The following SLC6A11 variants were observed in gnomAD, a reference collection of about 807,000 sequenced individuals.
The protein encoded by SLC6A11 is sodium- and chloride-dependent GABA transporter 3.
In SLC6A11, 25 loss-of-function variants were observed where a neutral mutation model predicts 74.8. That is an observed-to-expected ratio of 0.33 (90% CI 0.24 to 0.47). SLC6A11 has a LOEUF of 0.47. Ranked by LOEUF, SLC6A11 falls within the 20% of genes least tolerant of loss-of-function variation. The pLI is 1.00. For missense variants in SLC6A11, 574 were observed against 837.0 expected, an observed-to-expected ratio of 0.69 and a Z score of 3.88; for synonymous variants, 330 against 330.2, an observed-to-expected ratio of 1.00 and a Z score of 0.01.
chr3:10,844,442 C>T (rs927771139), intron 5 of SLC6A11, 96 bp downstream of exon 5: 25 of 1,489,056 alleles, frequency 1.7e-5, no homozygotes, highest in Middle Eastern at 1.7e-4. Context: ...TTGCAGAGGC[C>T]AGCACTTAAG....
rs929392394 is a variant in SLC6A11 at position 10,816,343 on chromosome 3, C to A, written c.78C>A (p.Gly26=). Residue 26 remains glycine (G), a synonymous_variant, in exon 1 of 14, where the codon GGC becomes GGA. Coordinates refer to ENST00000254488, the MANE Select transcript of SLC6A11 (RefSeq NM_014229.3). The surrounding 1 kb of genome is among the most constrained non-coding windows in gnomAD (Gnocchi z 4.2). The stretch of plus-strand genomic sequence containing the variant: ...CGCGGGAGTCCGAGGCGCCGGGTGG[C>A]GGCTGCAGCAGCGGGGGCGCGGCGC... ...EEARESEAPG[G]GCSSGGAAPA... 6 of 1,427,302 alleles carry A rather than the reference C, an allele frequency of 4.2e-6. No individual in the cohort carries two copies. Among genetic ancestry groups the A allele is most frequent in the South Asian group, 1.5e-5 (1 of 65,420 alleles). The allele number at this position is 1,427,302 out of a possible 1,614,324, so 88.4% of individuals were successfully genotyped here.
intron 6 of SLC6A11, among the ~76,000 whole-genome samples, chr3:10,885,993 G>A (rs1021084768): frequency 3.3e-5 from 5 of 152,228 alleles, no homozygotes; most frequent in African/African-American, 1.2e-4. Context: ...TCCTCACTCT[G>A]GCACTGCCTC....
chr3:10,932,714 T>G (rs530948443), intron 10 of SLC6A11, among the ~76,000 whole-genome samples: 37 of 152,276 alleles, frequency 2.4e-4, no homozygotes, highest in African/African-American at 8.9e-4. Context: ...AGGGTCACTT[T>G]AAACTACCAC....
chr3:10,848,176 C>T (rs1180207296), intron 5 of SLC6A11, among the ~76,000 whole-genome samples: 3 of 152,172 alleles, frequency 2.0e-5, no homozygotes, highest in African/African-American at 7.2e-5. Flanking sequence ...GAGCATTTCA[C>T]CTGTTCAGGG....
chr3:10,914,788 G>A (rs1695433455), intron 7 of SLC6A11, among the ~76,000 whole-genome samples: 1 of 152,174 alleles, frequency 6.6e-6, no homozygotes, highest in Non-Finnish European at 1.5e-5. Flanking sequence ...TCCGGGCTGG[G>A]CCAAGTCTGA....
intron 6 of SLC6A11, among the ~76,000 whole-genome samples, chr3:10,891,193 T>C (rs1256627103): frequency 1.3e-5 from 2 of 152,258 alleles, no homozygotes; most frequent in East Asian, 1.9e-4. Flanking sequence ...ACTTCAGTTT[T>C]GACTTCTCAT....
At chr3:10,892,934 TG>T (rs1695124831) in intron 6 of SLC6A11, among the ~76,000 whole-genome samples, 1 of 152,198 alleles carries the variant, frequency 6.6e-6, no homozygotes, top group African/African-American at 2.4e-5. Flanking sequence ...TTAACATTCC[TG>T]GGTGTTAATC....
chr3:10,858,744 G>A (rs904071191), intron 5 of SLC6A11, among the ~76,000 whole-genome samples: 19 of 152,182 alleles, frequency 1.2e-4, no homozygotes, highest in Non-Finnish European at 2.4e-4. Context: ...TTAATACTGA[G>A]TTATTGTTTT....
chr3:10,897,495 T>A (rs1695185010), intron 6 of SLC6A11, among the ~76,000 whole-genome samples: 1 of 152,248 alleles, frequency 6.6e-6, no homozygotes, highest in Non-Finnish European at 1.5e-5. Context: ...ACAAAGGGGC[T>A]ACAGGCCTCA....
rs963292839 is a variant in SLC6A11 at position 10,915,505 on chromosome 3, T to G, written c.996-2824T>G. ...GACAGCATAATAGCTTCTGGAGGTC[T>G]TAAAAGCCCAGCTCAGTGCCTGCCG... is the stretch of plus-strand genomic sequence containing the variant. On this transcript the variant is annotated intron_variant, in intron 7 of 13. Coordinates refer to ENST00000254488, the MANE Select transcript of SLC6A11 (RefSeq NM_014229.3). The surrounding 1 kb of genome is among the most constrained non-coding windows in gnomAD (Gnocchi z 4.3). Among the ~76,000 whole-genome samples the G allele has an allele frequency of 6.6e-6, 1 of 152,206 alleles. No individual in the cohort carries two copies. The highest frequency in any genetic ancestry group is 2.4e-5 in the African/African-American group (1 of 41,446).
chr3:10,894,395 G>A (rs1249878799), intron 6 of SLC6A11, among the ~76,000 whole-genome samples: 7 of 152,186 alleles, frequency 4.6e-5, no homozygotes, highest in Non-Finnish European at 8.8e-5. Flanking sequence ...AGTGAAATCC[G>A]TCTGGACATT....
At chr3:10,826,542 T>C (rs778732015) in intron 4 of SLC6A11, among the ~76,000 whole-genome samples, 9 of 152,266 alleles carry the variant, frequency 5.9e-5, no homozygotes, top group Non-Finnish European at 1.2e-4. Context: ...AAAACCTTAA[T>C]TAAATCATTA....
intron 5 of SLC6A11, among the ~76,000 whole-genome samples, chr3:10,873,548 TCCTACCCTACCCTAC>T (rs1178459471): frequency 7.2e-6 from 1 of 139,264 alleles, no homozygotes; most frequent in Admixed American, 7.0e-5. Context: ...TCCTATCCTA[TCCTACCCTACCCTAC>T]CCTACCCTAC....
chr3:10,843,261 C>T (rs573309620), intron 4 of SLC6A11, among the ~76,000 whole-genome samples: 58 of 152,232 alleles, frequency 3.8e-4, no homozygotes, highest in African/African-American at 1.3e-3. Flanking sequence ...TTAGCTCACC[C>T]GGAGTCCTCC....
chr3:10,845,864 C>A (rs1444450928), intron 5 of SLC6A11, among the ~76,000 whole-genome samples: 1 of 152,224 alleles, frequency 6.6e-6, no homozygotes, highest in Non-Finnish European at 1.5e-5. Context: ...TATTGATCTA[C>A]TTCTTCAGAC....
intron 5 of SLC6A11, among the ~76,000 whole-genome samples, chr3:10,865,385 C>G (rs902597629): frequency 6.6e-6 from 1 of 151,986 alleles, no homozygotes; most frequent in Non-Finnish European, 1.5e-5. Flanking sequence ...CTGTGGTGGC[C>G]AGGCACAGTG....
intron 5 of SLC6A11, among the ~76,000 whole-genome samples, chr3:10,847,947 G>A (rs983187842): frequency 1.3e-5 from 2 of 152,158 alleles, no homozygotes. Flanking sequence ...AAGGCTGTTC[G>A]AGTAGGAAGA....
At chr3:10,933,952 G>A (rs1000095835) in intron 11 of SLC6A11, 114 bp from the exon 12 acceptor site, 3 of 686,468 alleles carry the variant, frequency 4.4e-6, no homozygotes, top group Admixed American at 4.4e-5. Context: ...AAAGATTCCT[G>A]CAGCAGTTTT....
chr3:10,855,024 G>A (rs1694621598), intron 5 of SLC6A11, among the ~76,000 whole-genome samples: 1 of 152,088 alleles, frequency 6.6e-6, no homozygotes, highest in African/African-American at 2.4e-5. Context: ...TGGATGGGTG[G>A]GTGAGTAGGT....
Sources: gnomAD v4.1 joint callset for allele counts (sites outside exome capture counted in the v4.1 genomes callset) on GRCh38, gnomAD v4.1.1 for gene constraint, Gnocchi (gnomAD v3.1) non-coding constraint, MANE v1.5 for transcripts, NCBI Gene and HGNC (gene_info 2026-07-23, HGNC 2026-07-21) for gene names.